Variants in TEX14 observed in about 807,000 individuals in gnomAD.
The protein encoded by TEX14 is inactive serine/threonine-protein kinase TEX14.
A neutral mutation model predicts 178.6 loss-of-function variants in TEX14; 168 were observed. The ratio of observed to expected loss-of-function variants is 0.94; its 90% CI spans 0.83 to 1.07. The LOEUF is 1.07. Among genes scored for constraint, TEX14 ranks in the 50% least tolerant of loss-of-function variants. TEX14 has a pLI of 0.00. For missense variants in TEX14, 1,730 were observed against 1,753.6 expected (o/e 0.99, Z 0.24); for synonymous variants, 626 against 634.1 (o/e 0.99, Z 0.19).
At chr17:58,591,613 G>A (rs889033855) in intron 15 of TEX14, among the ~76,000 whole-genome samples, 2 of 151,322 alleles carry the variant, frequency 1.3e-5, no homozygotes, top group South Asian at 4.2e-4. Flanking sequence ...CAGCAAACTC[G>A]TCATTAGTCT....
rs1336528702 is a variant in TEX14, at chr17:58,577,427, G to A, written c.3268C>T (p.Leu1090Phe). Residue 1090 changes from leucine (L) to phenylalanine (F), a missense_variant, in exon 21 of 32, where the codon CTT becomes TTT. Leu to Phe is a conservative substitution (Grantham distance 22). Transcript: ENST00000349033. ...GEEKFQMRKI[L>F]GKNAEILPRS... ...GGCAAAATCTCAGCATTCTTTCCAA[G>A]AATTTTTCTCATTTGGAACTTTTCC... is the stretch of plus-strand genomic sequence containing the variant. The A allele has an allele frequency of 2.0e-6, 3 of 1,504,682 alleles. No homozygotes were observed. Among genetic ancestry groups the A allele is most frequent in the Middle Eastern group, 1.8e-4 (1 of 5,654 alleles). 93.2% of individuals were successfully genotyped at this position (1,504,682 alleles called of 1,614,324 possible). A position where few individuals can be genotyped will look rare whatever the true frequency, so the allele number is the denominator to read the frequency against.
intron 14 of TEX14, among the ~76,000 whole-genome samples, chr17:58,596,954 G>A (rs944160636): frequency 4.6e-5 from 7 of 152,076 alleles, no homozygotes; most frequent in Non-Finnish European, 1.0e-4. Flanking sequence ...TTCTAAGTGA[G>A]GACTGAAGCC....
chr17:58,691,616 G>A (rs2047726545), intron 1 of TEX14, among the ~76,000 whole-genome samples: 1 of 139,682 alleles, frequency 7.2e-6, no homozygotes, highest in South Asian at 2.3e-4. Context: ...GCAGTGAGCC[G>A]ACATCGTGCC....
chr17:58,644,630 G>T, intron 2 of TEX14, among the ~76,000 whole-genome samples: 1 of 128,170 alleles, frequency 7.8e-6, no homozygotes, highest in Admixed American at 8.6e-5. Context: ...GTAAGCCACC[G>T]CACCTGGCTT....
intron 1 of TEX14, among the ~76,000 whole-genome samples, chr17:58,690,902 T>C (rs1396125090): frequency 6.6e-6 from 1 of 152,210 alleles, no homozygotes; most frequent in African/African-American, 2.4e-5. Context: ...GGTTTCACTC[T>C]ATCACCCAAG....
chr17:58,628,887 GAAA>G (rs879646693), intron 3 of TEX14, among the ~76,000 whole-genome samples: 2 of 128,674 alleles, frequency 1.6e-5, no homozygotes, highest in African/African-American at 5.7e-5. Context: ...TCCATCACAA[GAAA>G]AAAAAAAAAA....
rs1274726252 is a variant in TEX14, at chr17:58,574,213, T to C, written c.3357A>G (p.Ser1119=). 6.2e-7 allele frequency: 1 copy of C among 1,613,784 alleles called. No homozygotes were observed. Among genetic ancestry groups the C allele is most frequent in the East Asian group, 2.2e-5 (1 of 44,872 alleles). ...EDEQEETSKE[S]PKELKEKDIS... ...TGTCTTTCTCTTTCAGTTCCTTTGG[T>C]GACTCCTTTGATGTCTCTTCTTGTT... The change falls in exon 22 of 32, where the codon TCA becomes TCG. Residue 1119 remains serine, a synonymous_variant. Transcript: ENST00000349033.
chr17:58,583,329 C>T (rs1289118834), intron 19 of TEX14, among the ~76,000 whole-genome samples: 1 of 152,044 alleles, frequency 6.6e-6, no homozygotes, highest in Admixed American at 6.5e-5. Context: ...TGGGGTCTTG[C>T]CATGTTGCCA....
intron 8 of TEX14, among the ~76,000 whole-genome samples, chr17:58,614,232 G>A (rs1237683198): frequency 1.3e-5 from 2 of 151,878 alleles, no homozygotes; most frequent in East Asian, 2.0e-4. Flanking sequence ...GCTCACGTCT[G>A]TAATCCCAGC....
chr17:58,662,591 A>G (rs2047135508), intron 1 of TEX14, among the ~76,000 whole-genome samples: 1 of 152,044 alleles, frequency 6.6e-6, no homozygotes, highest in South Asian at 2.1e-4. Flanking sequence ...CAACAGGCAC[A>G]ACTATTAATC....
At chr17:58,626,701 G>A (rs1208949441) in intron 3 of TEX14, among the ~76,000 whole-genome samples, 2 of 151,674 alleles carry the variant, frequency 1.3e-5, no homozygotes, top group Admixed American at 1.3e-4. Flanking sequence ...GGACAACATG[G>A]CAAAACTAAA....
chr17:58,584,327 G>A (rs2044898961), intron 19 of TEX14, among the ~76,000 whole-genome samples, 173 bp downstream of exon 19: 2 of 152,196 alleles, frequency 1.3e-5, no homozygotes, highest in African/African-American at 4.8e-5. Context: ...TTTTTAAAAA[G>A]TATCAGACAG....
chr17:58,597,596 G>A (rs866293795), intron 14 of TEX14, among the ~76,000 whole-genome samples: 1 of 152,140 alleles, frequency 6.6e-6, no homozygotes, highest in South Asian at 2.1e-4. Context: ...ACATCTCTGG[G>A]CCTCAGGAAG....
chr17:58,663,506 A>T (rs1424604489), intron 1 of TEX14, among the ~76,000 whole-genome samples: 3 of 150,150 alleles, frequency 2.0e-5, no homozygotes, highest in African/African-American at 7.4e-5. Context: ...TCACTCTGTC[A>T]CTCAGGCTAG....
intron 15 of TEX14, among the ~76,000 whole-genome samples, chr17:58,590,415 T>G (rs2045102592): frequency 6.6e-6 from 1 of 152,132 alleles, no homozygotes; most frequent in Non-Finnish European, 1.5e-5. Flanking sequence ...GAATCCATCC[T>G]GAGGAAATAA....
At chr17:58,579,013 C>G (rs2044747515) in intron 20 of TEX14, among the ~76,000 whole-genome samples, 1 of 152,212 alleles carries the variant, frequency 6.6e-6, no homozygotes, top group African/African-American at 2.4e-5. Flanking sequence ...CAAGAGTACA[C>G]AATTTTAAAA....
intron 1 of TEX14, among the ~76,000 whole-genome samples, chr17:58,679,089 G>A (rs1424375162): frequency 6.6e-6 from 1 of 152,110 alleles, no homozygotes; most frequent in African/African-American, 2.4e-5. Context: ...TTGAGGCTGA[G>A]GTTGCTGTGA....
rs772762106 is a variant in TEX14 at position 58,565,757 on chromosome 17, G to C, written c.3954C>G (p.Gly1318=). The C allele has an allele frequency of 3.1e-6, 5 of 1,607,858 alleles. No homozygotes were observed. The South Asian group carries it at 3.4e-5, about 11-fold the overall frequency. The change falls in exon 27 of 32, where the codon GGC becomes GGG. Residue 1318 remains glycine, a synonymous_variant. Transcript: ENST00000349033. ...LHENTASDGG[G]TANDQRHLEE... is the part of the protein sequence containing the mutation. The stretch of plus-strand genomic sequence containing the variant: ...AGGTAGTTCACTTACCATTTGCAGT[G>C]CCTCCTCCATCACTTGCTGTGTTCT...
chr17:58,582,136 C>G (rs538664334), intron 19 of TEX14, among the ~76,000 whole-genome samples: 1 of 152,026 alleles, frequency 6.6e-6, no homozygotes, highest in Admixed American at 6.5e-5. Context: ...GAGGAGGCTG[C>G]GGCTACTCAG....
Sources: gnomAD v4.1 joint callset for allele counts (sites outside exome capture counted in the v4.1 genomes callset) on GRCh38, gnomAD v4.1.1 for gene constraint, MANE v1.5 for transcripts, NCBI Gene and HGNC (gene_info 2026-07-23, HGNC 2026-07-21) for gene names.